The following MSLN variants were observed in gnomAD, a reference collection of about 807,000 sequenced individuals.
MSLN encodes the protein mesothelin.
Under a neutral mutation model 72.6 loss-of-function variants are expected in MSLN, and 82 were observed. The observed-to-expected ratio is 1.13, with a 90% CI of 0.94 to 1.36. MSLN has a LOEUF of 1.36. Ranked by LOEUF, MSLN falls within the 40% of genes most tolerant of loss-of-function variation. The pLI, the probability that MSLN is intolerant of heterozygous loss-of-function variation, is 0.00. For synonymous variants in MSLN, 456 were observed against 387.3 expected (o/e 1.18, Z -2.08); for missense variants, 1,005 against 847.9 (o/e 1.19, Z -2.30).
intron 7 of MSLN, 29 bp from the exon 8 acceptor site, chr16:764,878 G>A (rs752137081): frequency 1.7e-5 from 27 of 1,607,458 alleles, no homozygotes; most frequent in Admixed American, 3.4e-5. Context: ...TGATCAGTGC[G>A]GCCTGTCCCC....
chr16:764,060 G>T lies in MSLN; in HGVS notation c.217G>T (p.Glu73Ter). The T allele has an allele frequency of 6.2e-7, 1 of 1,605,362 alleles. No individual in the cohort carries two copies. The highest frequency in any genetic ancestry group is 8.5e-7 in the Non-Finnish European group (1 of 1,179,782). ...PRQLLGFPCA[E>*]VSGLSTERVR... The stretch of plus-strand genomic sequence containing the variant: ...CCAACTCCTTGGCTTCCCGTGTGCG[G>T]AGGTGTCCGGCCTGAGCACGGAGCG... The change falls in exon 6 of 18, where the codon GAG (glutamate) becomes TAG (stop). Residue 73 changes from glutamate to a stop codon, truncating the protein, a stop_gained. Transcript: ENST00000545450. LOFTEE classifies it high-confidence loss of function.
At chr16:766,028 G>C (rs370517128) in intron 11 of MSLN, 31 bp from the exon 12 acceptor site, 2 of 1,570,590 alleles carry the variant, frequency 1.3e-6, no homozygotes, top group South Asian at 2.3e-5. Context: ...AACGAACTCC[G>C]GCCCTGACCC....
intron 7 of MSLN, 30 bp downstream of exon 7, chr16:764,756 C>T (rs188946277): frequency 1.8e-5 from 28 of 1,577,620 alleles, no homozygotes; most frequent in Admixed American, 1.3e-4. Flanking sequence ...CCCACCCCCC[C>T]GGCTTTTGCC....
At chr16:762,142 G>A (rs928709317) in intron 2 of MSLN, among the ~76,000 whole-genome samples, 14 of 152,212 alleles carry the variant, frequency 9.2e-5, no homozygotes, top group African/African-American at 7.2e-5. Flanking sequence ...CCAAAAAGAC[G>A]CTGCTGGGTG....
intron 17 of MSLN, 37 bp downstream of exon 17, chr16:768,602 C>T (rs1326788828): frequency 6.2e-7 from 1 of 1,607,330 alleles, no homozygotes; most frequent in Non-Finnish European, 8.5e-7. Context: ...GGGGGCAGAG[C>T]TGGGGGCGTG....
chr16:766,133 G>T lies in MSLN; in HGVS notation c.970G>T (p.Glu324Ter). The T allele has an allele frequency of 6.2e-7, 1 of 1,612,750 alleles. No individual in the cohort carries two copies. Among genetic ancestry groups the T allele is most frequent in the South Asian group, 1.1e-5 (1 of 91,084 alleles). ...CATCTTCTACAAGAAGTGGGAGCTG[G>T]AAGCCTGCGTGGATGCGGCCCTGCT... ...SLIFYKKWELEACVDAALLAT... is the reference protein window; with the variant it reads ...SLIFYKKWEL Residue 324 changes from glutamate (E) to a stop codon, truncating the protein, a stop_gained, in exon 12 of 18, where the codon GAA becomes TAA. Transcript: ENST00000545450. LOFTEE classifies it high-confidence loss of function.
chr16:764,059 G>A lies in MSLN; in HGVS notation c.216G>A (p.Ala72=), dbSNP rs370821882. The A allele has an allele frequency of 3.0e-5, 48 of 1,605,120 alleles. No individual in the cohort carries two copies. Among genetic ancestry groups the A allele is most frequent in the South Asian group, 5.5e-5 (5 of 91,036 alleles). ...GCCAACTCCTTGGCTTCCCGTGTGCGGAGGTGTCCGGCCTGAGCACGGAGC... is the reference window on the plus strand; with the variant it reads ...GCCAACTCCTTGGCTTCCCGTGTGCAGAGGTGTCCGGCCTGAGCACGGAGC... The part of the protein sequence containing the change: ...SPRQLLGFPC[A]EVSGLSTERV... Residue 72 remains alanine (A), a synonymous_variant, in exon 6 of 18, where the codon GCG becomes GCA. Coordinates refer to ENST00000545450, the MANE Select transcript of MSLN (RefSeq NM_005823.6).
chr16:762,081 C>A (rs2041543024), intron 2 of MSLN, among the ~76,000 whole-genome samples: 1 of 152,228 alleles, frequency 6.6e-6, no homozygotes, highest in African/African-American at 2.4e-5. Context: ...CTGGCCCAGC[C>A]CCGCCCCACC....
chr16:765,840 G>A, intron 11 of MSLN, 50 bp downstream of exon 11: 2 of 1,543,020 alleles, frequency 1.3e-6, no homozygotes, highest in South Asian at 1.1e-5. Flanking sequence ...CAGCACCCCT[G>A]GGGGTGGGCA....
Position 765,212 on chromosome 16 carries a change from C to T in MSLN, c.613C>T (p.Leu205=). 1 of 1,588,524 alleles carries T rather than the reference C, an allele frequency of 6.3e-7. No homozygotes were observed. Among genetic ancestry groups the T allele is most frequent in the East Asian group, 2.3e-5 (1 of 44,246 alleles). The change falls in exon 9 of 18, where the codon CTA becomes TTA. Residue 205 remains leucine (L), a synonymous_variant. Transcript: ENST00000545450. ...TGTGGCCGAGTCGGCCGAAGTGCTG[C>T]TACCCCGGCTGGTGAGCTGCCCGGG... The part of the protein sequence containing the change: ...RFVAESAEVL[L]PRLVSCPGPL...
At chr16:761,984 A>T (rs1021949229) in intron 2 of MSLN, among the ~76,000 whole-genome samples, 1 of 152,192 alleles carries the variant, frequency 6.6e-6, no homozygotes, top group Non-Finnish European at 1.5e-5. Flanking sequence ...ATTCTTGTTC[A>T]GGGAGGGTCT....
chr16:764,626 C>G (rs1212864590), intron 6 of MSLN, 21 bp from the exon 7 acceptor site: 5 of 1,608,012 alleles, frequency 3.1e-6, no homozygotes, highest in East Asian at 2.2e-5. Flanking sequence ...ACGCTCTGTG[C>G]TGGACTCCCT....
intron 16 of MSLN, among the ~76,000 whole-genome samples, chr16:768,023 T>C (rs1242827451): frequency 6.5e-3 from 58 of 8,986 alleles, no homozygotes; most frequent in Non-Finnish European, 7.0e-3. Context: ...CATGGGGGGG[T>C]GTGGAGGGGG....
At chr16:766,588 G>A (rs564797874) in intron 13 of MSLN, 80 bp from the exon 14 acceptor site, 1 of 1,609,248 alleles carries the variant, frequency 6.2e-7, no homozygotes, top group East Asian at 2.2e-5. Flanking sequence ...CTGGGGTCAG[G>A]GGCACGGCCT....
intron 9 of MSLN, 77 bp downstream of exon 9, chr16:765,380 G>A (rs907355956): frequency 1.1e-5 from 16 of 1,442,594 alleles, no homozygotes; most frequent in Admixed American, 2.4e-5. Context: ...TTGCGGCCAT[G>A]CCTCAAGGCC....
In MSLN at chr16:766,062, C is replaced by T; in HGVS notation, c.899C>T (p.Thr300Ile). The T allele has an allele frequency of 2.5e-6, 4 of 1,608,868 alleles. No individual in the cohort carries two copies. The highest frequency in any genetic ancestry group is 1.7e-6 in the Non-Finnish European group (2 of 1,177,746). Residue 300 changes from threonine to isoleucine, a missense_variant, in exon 12 of 18, where the codon ACA (threonine) becomes ATA (isoleucine). By Grantham distance (89) the Thr-to-Ile change is moderately conservative. Coordinates refer to ENST00000545450, the MANE Select transcript of MSLN (RefSeq NM_005823.6). Reference protein sequence around the residue: ...RPRFRREVEKTACPSGKKARE... With the variant: ...RPRFRREVEKIACPSGKKARE... ...CCCTGACCCCTGTGCCCTGCAGAGA[C>T]AGCCTGTCCTTCAGGCAAGAAGGCC...
intron 15 of MSLN, 104 bp downstream of exon 15, chr16:767,116 G>C: frequency 1.9e-6 from 3 of 1,551,126 alleles, no homozygotes; most frequent in South Asian, 2.3e-5. Context: ...CTGCTGCCAG[G>C]GTAACTGGGT....
intron 16 of MSLN, among the ~76,000 whole-genome samples, chr16:768,072 G>A (rs1367374494): frequency 1.1e-4 from 13 of 117,484 alleles, no homozygotes; most frequent in South Asian, 3.5e-4. Context: ...GCACATGGAG[G>A]GGGGGGCAAG....
rs148328226 is a variant in MSLN at position 766,346 on chromosome 16, A to G, written c.1086A>G (p.Gln362=). The G allele has an allele frequency of 8.4e-5, 135 of 1,612,544 alleles. No individual in the cohort carries two copies. Among genetic ancestry groups the G allele is most frequent in the Non-Finnish European group, 1.1e-4 (133 of 1,179,896 alleles). Residue 362 remains glutamine (Q), a synonymous_variant, in exon 13 of 18, where the codon CAA becomes CAG. Transcript: ENST00000545450. ...LKHKLDELYP[Q]GYPESVIQHL... ...CTCTTGGCCTGCAGCTCTACCCACA[A>G]GGTTACCCCGAGTCTGTGATCCAGC...
Sources: allele counts gnomAD v4.1 joint callset (sites outside exome capture counted in the v4.1 genomes callset), GRCh38; gene constraint gnomAD v4.1.1; transcripts MANE v1.5; gene names NCBI Gene and HGNC (gene_info 2026-07-23, HGNC 2026-07-21).